The following TJP1 variants were observed in gnomAD, a reference collection of about 807,000 sequenced individuals.
The protein encoded by TJP1 is tight junction protein ZO-1.
TJP1 carries 43 observed loss-of-function variants against 194.2 expected under a neutral mutation model. That is an observed-to-expected ratio of 0.22 (90% confidence interval 0.17 to 0.29). The LOEUF is 0.29. Ranked by LOEUF, TJP1 falls within the 10% of genes least tolerant of loss-of-function variation. The pLI, the probability that TJP1 is intolerant of heterozygous loss-of-function variation, is 1.00. For synonymous variants in TJP1, 801 were observed against 779.0 expected (o/e 1.03, Z -0.47); for missense variants, 1,971 against 2,185.7 (o/e 0.90, Z 1.96).
At position 29,800,561 on chromosome 15, in the gene TJP1, CCTGACATCTGGCTTT is replaced by C. The variant is rs1285260155; in HGVS notation, c.84+70_84+84del. ...AAAAGTTTCCTCCTCCCTCTGGCTT[CCTGACATCTGGCTTT>C]CCTCTATTGTTTTCAAAGCTGCCAG... On this transcript the variant is annotated intron_variant, in intron 2 of 27. Transcript: ENST00000614355. 9 of 1,360,514 alleles carry C rather than the reference CCTGACATCTGGCTTT, an allele frequency of 6.6e-6. No homozygotes were observed. In the Admixed American group the frequency reaches 1.9e-4, roughly 29 times the overall value. 84.3% of individuals were successfully genotyped at this position (1,360,514 alleles called of 1,614,324 possible). A position where few individuals can be genotyped will look rare whatever the true frequency, so the allele number is the denominator to read the frequency against.
intron 1 of TJP1, among the ~76,000 whole-genome samples, chr15:29,810,850 C>G (rs989663974): frequency 2.0e-5 from 3 of 152,156 alleles, no homozygotes; most frequent in Admixed American, 1.3e-4. Context: ...GTGCATCTCT[C>G]ATTCATTCAA....
At chr15:29,912,108 T>C (rs2054033705) in intron 2 of TJP1, among the ~76,000 whole-genome samples, 1 of 152,176 alleles carries the variant, frequency 6.6e-6, no homozygotes. Context: ...CGCTTCCTGC[T>C]TTGTAGATGG....
intron 2 of TJP1, among the ~76,000 whole-genome samples, chr15:29,944,071 A>AATTTATTTATTT (rs145798029): frequency 6.6e-6 from 1 of 151,354 alleles, no homozygotes; most frequent in African/African-American, 2.4e-5. Flanking sequence ...CTTGACTTTA[A>AATTTATTTATTT]ATTTATTTAT....
chr15:29,908,249 A>C (rs1278522198), intron 2 of TJP1, among the ~76,000 whole-genome samples: 1 of 152,132 alleles, frequency 6.6e-6, no homozygotes, highest in Non-Finnish European at 1.5e-5. Context: ...TTCCATGGAC[A>C]TCAGAACACC....
intron 2 of TJP1, among the ~76,000 whole-genome samples, chr15:29,877,213 G>T (rs964834028): frequency 2.0e-5 from 3 of 152,176 alleles, no homozygotes; most frequent in African/African-American, 7.2e-5. Flanking sequence ...GATATAAATA[G>T]AAGTATTTCT....
rs567449164 is a variant in TJP1 at position 29,919,738 on chromosome 15, C to A, written c.306+36494G>T. Among the ~76,000 whole-genome samples the A allele has an allele frequency of 3.2e-4, 48 of 152,292 alleles. 5 individuals carry two copies. Among genetic ancestry groups the A allele is most frequent in the African/African-American group, 1.1e-3 (46 of 41,566 alleles). ...TGCCCTCATCAGCCTGGCCTCCTGA[C>A]AGGCATTCTCCAATGGACAAGATTT... On this transcript the variant is annotated intron_variant, in intron 2 of 28. Transcript: ENST00000356107.
chr15:29,833,881 A>ATATATATATATATATTTTTTTTT (rs1555434000), intron 2 of TJP1, among the ~76,000 whole-genome samples: 2 of 12,616 alleles, frequency 1.6e-4, no homozygotes, highest in African/African-American at 6.0e-4. Flanking sequence ...ATATATATAT[A>ATATATATATATATATTTTTTTTT]TTTTTTTTTT....
chr15:29,861,791 G>A (rs2052090976), intron 2 of TJP1, among the ~76,000 whole-genome samples: 2 of 152,152 alleles, frequency 1.3e-5, no homozygotes. Context: ...TACGAAGAAT[G>A]CCTGTTCTCT....
At chr15:29,753,662 G>T (rs1482245215) in intron 8 of TJP1, among the ~76,000 whole-genome samples, 1 of 152,008 alleles carries the variant, frequency 6.6e-6, no homozygotes, top group Non-Finnish European at 1.5e-5. Context: ...GGTGCCGCCT[G>T]TTGATCACTC....
chr15:29,900,366 CT>C (rs2053598967), intron 2 of TJP1, among the ~76,000 whole-genome samples: 1 of 152,156 alleles, frequency 6.6e-6, no homozygotes, highest in Non-Finnish European at 1.5e-5. Flanking sequence ...TGCAGCTTAC[CT>C]TTAACAGGAT....
chr15:29,708,812 T>A lies in TJP1; in HGVS notation c.4597A>T (p.Thr1533Ser). The stretch of plus-strand genomic sequence containing the variant: ...CGTTCAAATGGTCGGGCAGAACTTG[T>A]ATATGGTTTTGGTGTGAATCGATTG... ...AYNRFTPKPYTSSARPFERKF... is the reference protein window; with the variant it reads ...AYNRFTPKPYSSSARPFERKF... Residue 1533 changes from threonine (T) to serine (S), a missense_variant, in exon 25 of 28, where the codon ACA (threonine) becomes TCA (serine). This residue lies in a region of TJP1 where 1,108 missense variants were observed against 1,128.5 expected (regional missense o/e 0.98). Coordinates refer to ENST00000614355, the MANE Select transcript of TJP1 (RefSeq NM_001330239.4). 6.2e-7 allele frequency: 1 copy of A among 1,614,212 alleles called. No homozygotes were observed. The highest frequency in any genetic ancestry group is 8.5e-7 in the Non-Finnish European group (1 of 1,180,040).
chr15:29,760,544 T>C (rs1399930369), intron 8 of TJP1, among the ~76,000 whole-genome samples: 11 of 152,066 alleles, frequency 7.2e-5, no homozygotes, highest in African/African-American at 2.7e-4. Context: ...ACCTGGCTAA[T>C]TTTTGTATTT....
At chr15:29,732,603 T>C in intron 14 of TJP1, 28 bp downstream of exon 14, 1 of 1,613,508 alleles carries the variant, frequency 6.2e-7, no homozygotes, top group South Asian at 1.1e-5. Context: ...TTAAAGGGTA[T>C]TAGGTTAGTC....
At chr15:29,701,791 TTC>T (rs2041560284) in intron 27 of TJP1, 102 bp from the exon 28 acceptor site, 7 of 798,848 alleles carry the variant, frequency 8.8e-6, no homozygotes, top group Non-Finnish European at 1.4e-5. Context: ...CATAATTTTC[TTC>T]TGTTTCTTCA....
intron 1 of TJP1, among the ~76,000 whole-genome samples, chr15:29,818,112 T>C (rs1044146371): frequency 6.6e-6 from 1 of 152,186 alleles, no homozygotes; most frequent in East Asian, 1.9e-4. Flanking sequence ...ATCATTTTCA[T>C]ACTTACATTA....
At chr15:29,908,398 G>A (rs150384661) in intron 2 of TJP1, among the ~76,000 whole-genome samples, 145 of 152,256 alleles carry the variant, frequency 9.5e-4, no homozygotes, top group Non-Finnish European at 1.7e-3. Context: ...TACAAAATTA[G>A]AAGAACAAAT....
At chr15:29,784,849 G>A (rs1417243747) in intron 2 of TJP1, among the ~76,000 whole-genome samples, 2 of 152,120 alleles carry the variant, frequency 1.3e-5, no homozygotes, top group Non-Finnish European at 1.5e-5. Context: ...ACAGCTATAT[G>A]ATCTAGATAT....
At chr15:29,830,301 CAT>C (rs1204642008) in intron 2 of TJP1, among the ~76,000 whole-genome samples, 34 of 150,598 alleles carry the variant, frequency 2.3e-4, no homozygotes, top group East Asian at 1.2e-3. Flanking sequence ...TGTAATTACA[CAT>C]GTCAGAATAA....
At chr15:29,931,083 A>G (rs2054695550) in intron 2 of TJP1, among the ~76,000 whole-genome samples, 1 of 152,218 alleles carries the variant, frequency 6.6e-6, no homozygotes, top group African/African-American at 2.4e-5. Flanking sequence ...GTCGATTAAC[A>G]CATATTTTGT....
Sources: gnomAD v4.1 joint callset for allele counts (sites outside exome capture counted in the v4.1 genomes callset) on GRCh38, gnomAD v4.1.1 for gene constraint, gnomAD v4.1.1 regional missense constraint, MANE v1.5 for transcripts, NCBI Gene and HGNC (gene_info 2026-07-23, HGNC 2026-07-21) for gene names.